RHOBTB2: variants seen among roughly 807,000 people sequenced by gnomAD.
RHOBTB2 encodes the protein Rho related BTB domain containing 2.
A neutral mutation model predicts 66.5 loss-of-function variants in RHOBTB2; 39 were observed. The observed-to-expected ratio is 0.59, with a 90% confidence interval of 0.45 to 0.77. RHOBTB2 has a LOEUF of 0.77. RHOBTB2 is among the 30% of genes least tolerant of loss of function. The pLI is 0.00. For missense variants in RHOBTB2, 755 were observed against 999.1 expected (o/e 0.76, Z 3.29); for synonymous variants, 390 against 395.0 (o/e 0.99, Z 0.15).
the RHOBTB2 span, among the ~76,000 whole-genome samples, chr8:22,958,858 T>TATGG: frequency 7.1e-6 from 1 of 140,876 alleles, no homozygotes; most frequent in Admixed American, 7.3e-5. Flanking sequence ...GCTCTGAGGC[T>TATGG]ATGGGTACAC....
rs1414626745 is a variant in RHOBTB2, at chr8:23,018,772, T to C, written c.*1303T>C. Reference sequence around the variant, plus strand: ...GGTGGGTGTTTTTGCGGGGCTGCAATAGGGGCCAAAAGTCAGGGAAAGGGG... The same window carrying C: ...GGTGGGTGTTTTTGCGGGGCTGCAACAGGGGCCAAAAGTCAGGGAAAGGGG... On this transcript the variant is annotated 3_prime_UTR_variant, in exon 10 of 10. Coordinates refer to ENST00000251822, the MANE Select transcript of RHOBTB2 (RefSeq NM_015178.3). 1 of 152,448 alleles carries C rather than the reference T, an allele frequency of 6.6e-6. No individual in the cohort carries two copies. The highest frequency in any genetic ancestry group is 1.5e-5 in the Non-Finnish European group (1 of 68,288). 9.4% of individuals were successfully genotyped at this position (152,448 alleles called of 1,614,324 possible).
intron 9 of RHOBTB2, among the ~76,000 whole-genome samples, chr8:23,016,913 T>TC (rs1188864197): frequency 2.0e-5 from 3 of 152,252 alleles, no homozygotes; most frequent in African/African-American, 7.2e-5. Context: ...TCCACTCTCA[T>TC]CCCCTAACCA....
chr8:22,958,405 G>C, the RHOBTB2 span, among the ~76,000 whole-genome samples: 1 of 152,186 alleles, frequency 6.6e-6, no homozygotes, highest in Admixed American at 6.5e-5. Flanking sequence ...ATAGTGTGGG[G>C]TAAGGAGAGC....
intron 8 of RHOBTB2, among the ~76,000 whole-genome samples, chr8:23,015,162 C>G (rs1014443227): frequency 6.6e-6 from 1 of 152,226 alleles, no homozygotes; most frequent in African/African-American, 2.4e-5. Flanking sequence ...CCACAGTGGC[C>G]TTCACAGTGC....
At chr8:22,964,766 G>T in the RHOBTB2 span, among the ~76,000 whole-genome samples, 62,174 of 151,256 alleles carry the variant, frequency 0.41, 14,091 homozygotes, top group East Asian at 0.59. Flanking sequence ...TAAGCTACAC[G>T]GCTAGTAATT....
At chr8:23,010,449 AG>A (rs1811108178) in intron 6 of RHOBTB2, 88 bp from the exon 7 acceptor site, 1 of 1,455,020 alleles carries the variant, frequency 6.9e-7, no homozygotes, top group African/African-American at 1.4e-5. Context: ...CCTGGGTGTG[AG>A]GGCCAGAGCT....
upstream of RHOBTB2, among the ~76,000 whole-genome samples, chr8:22,995,116 A>G (rs1442208341): frequency 6.6e-6 from 1 of 152,172 alleles, no homozygotes; most frequent in African/African-American, 2.4e-5. Flanking sequence ...TTTTTTTAAT[A>G]GAGACAGGGT....
the RHOBTB2 span, among the ~76,000 whole-genome samples, chr8:22,979,255 GTAAA>G: frequency 6.6e-6 from 1 of 151,592 alleles, no homozygotes; most frequent in African/African-American, 2.4e-5. Flanking sequence ...TATTATTTTG[GTAAA>G]TAAATAAATC....
Position 23,007,379 on chromosome 8 carries a change from C to T in RHOBTB2, c.1134C>T (p.Tyr378=), listed in dbSNP as rs1472411497. The T allele has an allele frequency of 6.2e-7, 1 of 1,614,046 alleles. No individual in the cohort carries two copies. Among genetic ancestry groups the T allele is most frequent in the Admixed American group, 1.7e-5 (1 of 60,016 alleles). Residue 378 remains tyrosine (Y), a synonymous_variant, in exon 5 of 10, where the codon TAC becomes TAT. Coordinates refer to ENST00000251822, the MANE Select transcript of RHOBTB2 (RefSeq NM_015178.3). The stretch of plus-strand genomic sequence containing the variant: ...TCTTACGGGGCAACGGAACAGGGTA[C>T]CTACCGGGCAGGGGTCGTGTGCTGT... The part of the protein sequence containing the change: ...DGILRGNGTG[Y]LPGRGRVLSS...
chr8:23,019,880 G>A lies in RHOBTB2; in HGVS notation c.*2411G>A, dbSNP rs534793846. The stretch of plus-strand genomic sequence containing the variant: ...GTGGGTGAGCCAGGCCAACATTGGT[G>A]TCCCTGTCCCCAGAGGGAGGAGCAG... On this transcript the variant is annotated 3_prime_UTR_variant, in exon 10 of 10. Transcript: ENST00000251822. 85 of 197,046 alleles carry A rather than the reference G, an allele frequency of 4.3e-4. No homozygotes were observed. Among genetic ancestry groups the A allele is most frequent in the Non-Finnish European group, 7.5e-4 (71 of 94,888 alleles). The allele number at this position is 197,046 out of a possible 1,614,324, so 12.2% of individuals were successfully genotyped here.
intron 1 of RHOBTB2, among the ~76,000 whole-genome samples, chr8:23,000,677 G>T (rs1361395163): frequency 2.0e-5 from 3 of 152,166 alleles, no homozygotes; most frequent in Admixed American, 2.0e-4. Context: ...CTTTCTGTTG[G>T]ATCTGCACGG....
rs559635697 is a variant in RHOBTB2, at chr8:23,007,068, C to A, written c.823C>A (p.Arg275=). ...CADVILVLQE[R]VRIFAHKIYL... ...GGACGTCATCCTGGTGCTGCAGGAG[C>A]GGGTGCGCATCTTTGCCCACAAGAT... Residue 275 remains arginine, a synonymous_variant, in exon 5 of 10, where the codon CGG becomes AGG. Coordinates refer to ENST00000251822, the MANE Select transcript of RHOBTB2 (RefSeq NM_015178.3). 5.6e-6 allele frequency: 9 copies of A among 1,610,288 alleles called. No individual in the cohort carries two copies. The highest frequency in any genetic ancestry group is 7.6e-6 in the Non-Finnish European group (9 of 1,179,274).
At chr8:22,994,541 C>T in intron 2 of RHOBTB2, 1 of 1,501,700 alleles carries the variant, frequency 6.7e-7, no homozygotes, top group Non-Finnish European at 9.1e-7. Context: ...GCCCCATCCA[C>T]TCCTGTTCCT....
At chr8:23,014,871 T>G in intron 8 of RHOBTB2, 93 bp downstream of exon 8, 1 of 1,002,150 alleles carries the variant, frequency 1.0e-6, no homozygotes, top group Non-Finnish European at 1.5e-6. Flanking sequence ...AGATGGTCTA[T>G]GCGGGAGAAC....
upstream of RHOBTB2, among the ~76,000 whole-genome samples, chr8:22,996,515 GT>G (rs1810564313): frequency 1.3e-5 from 1 of 76,116 alleles, no homozygotes; most frequent in Non-Finnish European, 2.6e-5. Context: ...GTGTGTGTGT[GT>G]GTGTGTGTGT....
the RHOBTB2 span, among the ~76,000 whole-genome samples, chr8:22,969,105 C>T: frequency 6.6e-6 from 1 of 152,128 alleles, no homozygotes; most frequent in Non-Finnish European, 1.5e-5. Context: ...CTGGGGAGGC[C>T]TCACAATCAT....
At chr8:22,971,858 G>T in the RHOBTB2 span, among the ~76,000 whole-genome samples, 1 of 151,684 alleles carries the variant, frequency 6.6e-6, no homozygotes, top group Admixed American at 6.6e-5. Flanking sequence ...TGCTGGGAAT[G>T]ATCTACACAT....
upstream of RHOBTB2, among the ~76,000 whole-genome samples, chr8:22,986,172 C>T (rs1452204760): frequency 2.1e-5 from 3 of 142,852 alleles, no homozygotes; most frequent in Admixed American, 6.9e-5. Flanking sequence ...CTCTCTCTTT[C>T]GTATTTAACT....
chr8:22,999,978 C>CGCGGCG lies in RHOBTB2; in HGVS notation c.-134_-129dup, dbSNP rs1157424266. On this transcript the variant is annotated 5_prime_UTR_variant, in exon 1 of 10. Coordinates refer to ENST00000251822, the MANE Select transcript of RHOBTB2 (RefSeq NM_015178.3). ...CCGGGAGGCTGGAGCCCAGCAGCAG[C>CGCGGCG]GCGGCGGCGCCGGCGTCGTCCCAAC... The CGCGGCG allele has an allele frequency of 5.1e-6, 5 of 985,432 alleles. No individual in the cohort carries two copies. The highest frequency in any genetic ancestry group is 6.0e-6 in the Non-Finnish European group (5 of 830,044). The allele number at this position is 985,432 out of a possible 1,614,324, so 61.0% of individuals were successfully genotyped here. A position where few individuals can be genotyped will look rare whatever the true frequency, so the allele number is the denominator to read the frequency against.
Sources: gnomAD v4.1 joint callset for allele counts (sites outside exome capture counted in the v4.1 genomes callset) on GRCh38, gnomAD v4.1.1 for gene constraint, MANE v1.5 for transcripts, NCBI Gene and HGNC (gene_info 2026-07-23, HGNC 2026-07-21) for gene names.